Variants in LRP11 observed in about 807,000 individuals in gnomAD.
LRP11 encodes the protein LDL receptor related protein 11, also known as low-density lipoprotein receptor-related protein 11.
LRP11 carries 25 observed loss-of-function variants against 43.1 expected under a neutral mutation model. The ratio of observed to expected loss-of-function variants is 0.58; its 90% CI spans 0.42 to 0.81. The LOEUF (loss-of-function observed/expected upper bound fraction) is 0.81, where lower values mean the gene tolerates loss of function less well. Ranked by LOEUF, LRP11 falls within the 30% of genes least tolerant of loss-of-function variation. LRP11 has a pLI of 0.00. For missense variants in LRP11, 623 were observed against 665.1 expected, an observed-to-expected ratio of 0.94 and a Z score of 0.70; for synonymous variants, 316 against 299.4, an observed-to-expected ratio of 1.06 and a Z score of -0.57.
chr6:149,829,785 C>T (rs1776385208), intron 5 of LRP11, among the ~76,000 whole-genome samples: 1 of 151,856 alleles, frequency 6.6e-6, no homozygotes, highest in African/African-American at 2.4e-5. Context: ...CTTAAAGGAA[C>T]TCAGTACTGG....
In LRP11 at chr6:149,837,400, G is replaced by A. The variant is rs1348885957; in HGVS notation, c.977C>T (p.Thr326Met). The change falls in exon 4 of 7, where the codon ACG becomes ATG. Residue 326 changes from threonine (T) to methionine (M), a missense_variant. Transcript: ENST00000239367. ...CTGCTGCACTCCATCGCAGGCGAGC[G>A]TGATGTCAATGCAGCAGCCATCGTC... ...FCDDGCCIDI[T>M]LACDGVQQCP... The A allele has an allele frequency of 8.1e-6, 13 of 1,613,956 alleles. No homozygotes were observed. Among genetic ancestry groups the A allele is most frequent in the African/African-American group, 1.3e-5 (1 of 74,872 alleles).
Position 149,864,338 on chromosome 6 carries a change from G to C in LRP11, c.-318C>G. On this transcript the variant is annotated 5_prime_UTR_variant, in exon 1 of 7. Transcript: ENST00000239367. ...GACGAGTCGGCCTCGGCGTTGATCA[G>C]CACCAGGTGTGTGCGAACAGTGGCC... 2 of 1,009,524 alleles carry C rather than the reference G, an allele frequency of 2.0e-6. No homozygotes were observed. Among genetic ancestry groups the C allele is most frequent in the Non-Finnish European group, 2.4e-6 (2 of 846,212 alleles). The allele number at this position is 1,009,524 out of a possible 1,614,324, so 62.5% of individuals were successfully genotyped here. A position where few individuals can be genotyped will look rare whatever the true frequency, so the allele number is the denominator to read the frequency against.
chr6:149,830,623 A>C (rs373392137), intron 5 of LRP11, among the ~76,000 whole-genome samples: 3 of 152,346 alleles, frequency 2.0e-5, no homozygotes, highest in African/African-American at 7.2e-5. Context: ...AAGGGACCTA[A>C]CCTCACAGGT....
At chr6:149,849,584 T>G (rs941117197) in intron 2 of LRP11, among the ~76,000 whole-genome samples, 11 of 151,906 alleles carry the variant, frequency 7.2e-5, no homozygotes, top group African/African-American at 2.4e-4. Flanking sequence ...TAGTGAGACC[T>G]CATCTCTACA....
At chr6:149,834,682 T>C (rs1386458278) in intron 5 of LRP11, among the ~76,000 whole-genome samples, 2 of 152,180 alleles carry the variant, frequency 1.3e-5, no homozygotes. Context: ...TCCAAAGGCT[T>C]GCATGTAGTG....
chr6:149,850,330 T>G (rs1389739625), intron 2 of LRP11, among the ~76,000 whole-genome samples: 1 of 152,166 alleles, frequency 6.6e-6, no homozygotes, highest in African/African-American at 2.4e-5. Context: ...CCAATTCTCC[T>G]GGCAGAAATG....
chr6:149,826,059 G>C, intron 6 of LRP11: 1 of 559,984 alleles, frequency 1.8e-6, no homozygotes, highest in East Asian at 2.9e-5. Flanking sequence ...GTATAGAAAA[G>C]GCAGCTGAGG....
In LRP11 at chr6:149,852,998, G is replaced by A. The variant is rs372036672; in HGVS notation, c.771+5C>T. ...GTTTTTGTTAGCAGTGACAACATGCGTTACCTTCATGTCCACTGACGGGTC... is the reference window on the plus strand; with the variant it reads ...GTTTTTGTTAGCAGTGACAACATGCATTACCTTCATGTCCACTGACGGGTC... On this transcript the variant is annotated splice_donor_5th_base_variant and intron_variant, in intron 2 of 6. Transcript: ENST00000239367. The A allele has an allele frequency of 2.5e-5, 40 of 1,583,482 alleles. No individual in the cohort carries two copies. In the Admixed American group the frequency reaches 4.4e-4, roughly 17 times the overall value.
At chr6:149,833,631 T>A (rs1046061054) in intron 5 of LRP11, among the ~76,000 whole-genome samples, 4 of 152,232 alleles carry the variant, frequency 2.6e-5, no homozygotes, top group African/African-American at 7.2e-5. Context: ...TAACTTTCTT[T>A]GTATTTTTCT....
intron 4 of LRP11, 60 bp downstream of exon 4, chr6:149,837,278 C>A: frequency 6.4e-7 from 1 of 1,567,774 alleles, no homozygotes; most frequent in East Asian, 2.3e-5. Context: ...TCTCAGAACA[C>A]AGACCTCCCA....
chr6:149,862,427 G>A (rs1776921326), intron 1 of LRP11, among the ~76,000 whole-genome samples: 1 of 152,128 alleles, frequency 6.6e-6, no homozygotes, highest in Non-Finnish European at 1.5e-5. Flanking sequence ...TATTCCCTCC[G>A]TGACATTCAT....
At chr6:149,837,547 T>G in intron 3 of LRP11, 84 bp from the exon 4 acceptor site, 2 of 1,402,080 alleles carry the variant, frequency 1.4e-6, no homozygotes, top group Non-Finnish European at 2.0e-6. Flanking sequence ...TCCGTGGGGA[T>G]GATAAAATGC....
At chr6:149,833,216 C>T (rs1041252608) in intron 5 of LRP11, among the ~76,000 whole-genome samples, 4 of 152,140 alleles carry the variant, frequency 2.6e-5, no homozygotes, top group African/African-American at 9.7e-5. Flanking sequence ...AGATTACAGG[C>T]GTGAGCCACC....
At chr6:149,853,732 G>A (rs1011655923) in intron 1 of LRP11, among the ~76,000 whole-genome samples, 2 of 152,130 alleles carry the variant, frequency 1.3e-5, no homozygotes, top group Non-Finnish European at 2.9e-5. Context: ...GGCTGGTCTC[G>A]AACTCCTGGC....
At chr6:149,828,736 C>T (rs756897104) in intron 5 of LRP11, among the ~76,000 whole-genome samples, 8 of 151,998 alleles carry the variant, frequency 5.3e-5, no homozygotes, top group Admixed American at 2.6e-4. Context: ...GCAAGCCTCC[C>T]GCCTTGACCT....
intron 3 of LRP11, 131 bp downstream of exon 3, chr6:149,842,852 A>T (rs1776569746): frequency 1.6e-6 from 2 of 1,238,736 alleles, no homozygotes; most frequent in African/African-American, 3.0e-5. Flanking sequence ...TTTTTAGCAA[A>T]GACTCTCTCA....
At chr6:149,862,436 A>T (rs1166428452) in intron 1 of LRP11, among the ~76,000 whole-genome samples, 2 of 152,182 alleles carry the variant, frequency 1.3e-5, no homozygotes, top group Non-Finnish European at 2.9e-5. Context: ...CGTGACATTC[A>T]TGTCCAACCA....
rs57368910 is a variant in LRP11 at position 149,862,577 on chromosome 6, C to CCTT, written c.613+830_613+831insAAG. 2.0e-3 allele frequency among the ~76,000 whole-genome samples: 250 copies of CCTT among 126,196 alleles called. 4 individuals are homozygous for CCTT. The highest frequency in any genetic ancestry group is 8.6e-3 in the East Asian group (37 of 4,296). The allele number at this position is 126,196 out of a possible 152,430, so 82.8% of individuals were successfully genotyped here. A position where few individuals can be genotyped will look rare whatever the true frequency, so the allele number is the denominator to read the frequency against. On this transcript the variant is annotated intron_variant, in intron 1 of 6. Coordinates refer to ENST00000239367, the MANE Select transcript of LRP11 (RefSeq NM_032832.6). ...CTTTAAAGTTTCCTATTTTCTTTTC[C>CCTT]TTTTTTTTTTTTTTTTTTTAAGATG...
At chr6:149,855,696 C>T (rs62439679) in intron 1 of LRP11, among the ~76,000 whole-genome samples, 2 of 111,906 alleles carry the variant, frequency 1.8e-5, no homozygotes, top group East Asian at 5.2e-4. Context: ...AGGGAAGATG[C>T]CTTTTTTTTT....
Sources: allele counts gnomAD v4.1 joint callset (sites outside exome capture counted in the v4.1 genomes callset), GRCh38; gene constraint gnomAD v4.1.1; transcripts MANE v1.5; gene names NCBI Gene and HGNC (gene_info 2026-07-23, HGNC 2026-07-21).